EXPH5: variants seen among roughly 807,000 people sequenced by gnomAD.
EXPH5 encodes exophilin 5, also known as exophilin-5.
EXPH5 carries 42 observed loss-of-function variants against 41.1 expected under a neutral mutation model. That is an observed-to-expected ratio of 1.02 (90% CI 0.80 to 1.32). The LOEUF (loss-of-function observed/expected upper bound fraction) is 1.32, where lower values mean the gene tolerates loss of function less well. Ranked by LOEUF, EXPH5 falls within the 40% of genes most tolerant of loss-of-function variation. EXPH5 has a pLI of 0.00. For missense variants in EXPH5, 2,298 were observed against 2,314.5 expected (o/e 0.99, Z 0.15); for synonymous variants, 798 against 833.5 (o/e 0.96, Z 0.73).
chr11:108,522,205 A>T lies in EXPH5; in HGVS notation c.493-3832T>A, dbSNP rs113644643. On this transcript the variant is annotated intron_variant, in intron 4 of 5. Coordinates refer to ENST00000265843, the MANE Select transcript of EXPH5 (RefSeq NM_015065.3). ...GAGGTTAGTGATTTTTTTTTTTTTT[A>T]AAAAAGGAACTGTTAGTCAATAGTA... 9.9e-3 allele frequency among the ~76,000 whole-genome samples: 1,423 copies of T among 143,600 alleles called. 13 individuals carry two copies. The highest frequency in any genetic ancestry group is 0.035 in the Middle Eastern group (10 of 288). 94.2% of individuals were successfully genotyped at this position (143,600 alleles called of 152,430 possible). A position where few individuals can be genotyped will look rare whatever the true frequency, so the allele number is the denominator to read the frequency against.
chr11:108,519,773 A>C (rs529413122), intron 4 of EXPH5, among the ~76,000 whole-genome samples: 1 of 151,442 alleles, frequency 6.6e-6, no homozygotes, highest in South Asian at 2.1e-4. Context: ...AAGAAAAAAA[A>C]ACCCACAAAA....
rs376816658 is a variant in EXPH5 at position 108,530,258 on chromosome 11, C to T, written c.444-2074G>A. 1.3e-4 allele frequency among the ~76,000 whole-genome samples: 20 copies of T among 152,228 alleles called. No homozygotes were observed. In the East Asian group the frequency reaches 3.7e-3, roughly 28 times the overall value. ...ATTTATTGAGCCTGTTTTCCTCCTACACTCTACATACTATGTTGAGCTCTT... is the reference window on the plus strand; with the variant it reads ...ATTTATTGAGCCTGTTTTCCTCCTATACTCTACATACTATGTTGAGCTCTT... On this transcript the variant is annotated intron_variant, in intron 3 of 5. Coordinates refer to ENST00000265843, the MANE Select transcript of EXPH5 (RefSeq NM_015065.3).
chr11:108,595,878 A>G (rs1487481025), upstream of EXPH5, among the ~76,000 whole-genome samples: 1 of 152,128 alleles, frequency 6.6e-6, no homozygotes, highest in Non-Finnish European at 1.5e-5. Context: ...GAGCTAATAC[A>G]GGTTTTGAGG....
upstream of EXPH5, among the ~76,000 whole-genome samples, chr11:108,598,753 C>A (rs1466767246): frequency 6.6e-6 from 1 of 151,898 alleles, no homozygotes; most frequent in Non-Finnish European, 1.5e-5. Flanking sequence ...TGTCTCTGGA[C>A]CGTGGTAAAT....
At chr11:108,571,273 TC>T (rs2136100013) in intron 1 of EXPH5, among the ~76,000 whole-genome samples, 2 of 152,324 alleles carry the variant, frequency 1.3e-5, no homozygotes, top group African/African-American at 4.8e-5. Flanking sequence ...TTATTGGCCT[TC>T]CCAGTTACCT....
At chr11:108,601,827 C>A in the EXPH5 span, among the ~76,000 whole-genome samples, 2 of 152,076 alleles carry the variant, frequency 1.3e-5, 1 homozygote, top group Admixed American at 1.3e-4. Flanking sequence ...CAGCTCACTG[C>A]AACCTCCACT....
upstream of EXPH5, among the ~76,000 whole-genome samples, chr11:108,595,984 G>C (rs1021333433): frequency 6.6e-6 from 1 of 152,104 alleles, no homozygotes; most frequent in African/African-American, 2.4e-5. Flanking sequence ...GGCAGATCAC[G>C]AGGTCAGGAG....
In EXPH5 at chr11:108,511,001, G is replaced by A; in HGVS notation, c.4506C>T (p.His1502=). ...TAAGGGCAAAGACTTGACTCTCTGA[G>A]TGAGAAAGTGTTTTATTAGTCATTT... ...CQKMTNKTLS[H]SESQVFALTP... is the part of the protein sequence containing the mutation. Residue 1502 remains histidine (H), a synonymous_variant, in exon 6 of 6, where the codon CAC becomes CAT. Transcript: ENST00000265843. 1.9e-6 allele frequency: 3 copies of A among 1,614,210 alleles called. No individual in the cohort carries two copies. The highest frequency in any genetic ancestry group is 2.5e-6 in the Non-Finnish European group (3 of 1,180,038).
chr11:108,568,531 T>C (rs921065063), intron 1 of EXPH5, among the ~76,000 whole-genome samples: 15 of 152,160 alleles, frequency 9.9e-5, no homozygotes, highest in Non-Finnish European at 1.6e-4. Context: ...CCAGTCTTGG[T>C]CACAGGCCTA....
chr11:108,532,416 C>T (rs1480303833), intron 3 of EXPH5, among the ~76,000 whole-genome samples: 5 of 108,014 alleles, frequency 4.6e-5, no homozygotes, highest in African/African-American at 7.4e-5. Context: ...GGTTTCACTA[C>T]GTTGGCCAGG....
intron 1 of EXPH5, among the ~76,000 whole-genome samples, chr11:108,543,707 A>G (rs936036103): frequency 1.3e-5 from 2 of 152,206 alleles, no homozygotes; most frequent in Non-Finnish European, 2.9e-5. Context: ...GCTTGGGGCT[A>G]TGATACTGCT....
the EXPH5 span, among the ~76,000 whole-genome samples, chr11:108,602,054 T>A: frequency 6.6e-6 from 1 of 152,220 alleles, no homozygotes; most frequent in Non-Finnish European, 1.5e-5. Context: ...TGCCCTGAAA[T>A]GATAGACTCT....
chr11:108,573,925 G>A (rs148320908), intron 1 of EXPH5, among the ~76,000 whole-genome samples: 1,685 of 151,976 alleles, frequency 0.011, 28 homozygotes, highest in African/African-American at 0.036. Flanking sequence ...TTTTTGAGAC[G>A]GAGTCTCACT....
chr11:108,514,629 G>A lies in EXPH5; in HGVS notation c.878C>T (p.Thr293Ile). The A allele has an allele frequency of 6.2e-7, 1 of 1,609,456 alleles. No individual in the cohort carries two copies. Among genetic ancestry groups the A allele is most frequent in the Non-Finnish European group, 8.5e-7 (1 of 1,178,494 alleles). The change falls in exon 6 of 6, where the codon ACA becomes ATA. Residue 293 changes from threonine to isoleucine, a missense_variant. By Grantham distance (89) the Thr-to-Ile change is moderately conservative. Coordinates refer to ENST00000265843, the MANE Select transcript of EXPH5 (RefSeq NM_015065.3). ...CCTTGTCCTATACATATCATAAATT[G>A]TGCTTGTCCTAGGAGAAAAGGTTTT... Reference protein sequence around the residue: ...GFKTFSPRTSTIYDMYRTREP... With the variant: ...GFKTFSPRTSIIYDMYRTREP...
At chr11:108,562,580 G>T (rs1177020611) in intron 1 of EXPH5, among the ~76,000 whole-genome samples, 1 of 152,094 alleles carries the variant, frequency 6.6e-6, no homozygotes, top group Non-Finnish European at 1.5e-5. Context: ...CTGCACTCCA[G>T]ACTTGGCAGC....
intron 1 of EXPH5, among the ~76,000 whole-genome samples, chr11:108,591,138 G>T (rs2094126553): frequency 6.6e-6 from 1 of 152,174 alleles, no homozygotes; most frequent in Admixed American, 6.5e-5. Context: ...AGGCTTCCCT[G>T]AGTCTCTCAG....
chr11:108,556,094 A>G (rs1383520489), intron 1 of EXPH5, among the ~76,000 whole-genome samples: 1 of 152,242 alleles, frequency 6.6e-6, no homozygotes, highest in East Asian at 1.9e-4. Context: ...ATTGAGTAGC[A>G]TCTTGCCTGG....
In EXPH5 at chr11:108,581,480, T is replaced by C. The variant is rs1299332358; in HGVS notation, c.119+11938A>G. ...ACGTATCAAAAGATCACCATATACTTCATGAATATGTACAATTATTATTTG... is the reference window on the plus strand; with the variant it reads ...ACGTATCAAAAGATCACCATATACTCCATGAATATGTACAATTATTATTTG... On this transcript the variant is annotated intron_variant, in intron 1 of 5. Transcript: ENST00000265843. 2.0e-5 allele frequency among the ~76,000 whole-genome samples: 3 copies of C among 152,106 alleles called. No homozygotes were observed. In the South Asian group the frequency reaches 6.2e-4, roughly 31 times the overall value.
chr11:108,519,918 T>A (rs2093753821), intron 4 of EXPH5, among the ~76,000 whole-genome samples: 1 of 119,594 alleles, frequency 8.4e-6, no homozygotes, highest in Non-Finnish European at 1.6e-5. Flanking sequence ...GCCACTGCAC[T>A]CCAGGCTGGG....
Sources: allele counts gnomAD v4.1 joint callset (sites outside exome capture counted in the v4.1 genomes callset), GRCh38; gene constraint gnomAD v4.1.1; transcripts MANE v1.5; gene names NCBI Gene and HGNC (gene_info 2026-07-23, HGNC 2026-07-21).